Variants in CDHR3 observed in about 807,000 individuals in gnomAD.
The protein encoded by CDHR3 is cadherin related family member 3.
In CDHR3, 79 loss-of-function variants were observed where a neutral mutation model predicts 86.6. The observed-to-expected ratio is 0.91, with a 90% CI of 0.76 to 1.10. CDHR3 has a LOEUF of 1.10. Among genes scored for constraint, CDHR3 ranks in the 50% least tolerant of loss-of-function variants. CDHR3 has a pLI of 0.00. For missense variants in CDHR3, 1,081 were observed against 1,077.6 expected, an observed-to-expected ratio of 1.00 and a Z score of -0.04; for synonymous variants, 421 against 402.4, an observed-to-expected ratio of 1.05 and a Z score of -0.55.
At chr7:105,979,205 G>C (rs1411386518) in intron 2 of CDHR3, among the ~76,000 whole-genome samples, 2 of 152,156 alleles carry the variant, frequency 1.3e-5, no homozygotes, top group African/African-American at 4.8e-5. Context: ...GGAAGGTTAA[G>C]CAATGGGAAG....
At chr7:106,028,225 G>A (rs933893110) in intron 16 of CDHR3, among the ~76,000 whole-genome samples, 3 of 151,970 alleles carry the variant, frequency 2.0e-5, no homozygotes, top group Non-Finnish European at 4.4e-5. Context: ...TATGAACAGA[G>A]GTATCCAATC....
chr7:106,022,064 G>C (rs1836647456), intron 13 of CDHR3, 134 bp from the exon 14 acceptor site: 6 of 1,073,210 alleles, frequency 5.6e-6, no homozygotes, highest in Middle Eastern at 2.1e-4. Flanking sequence ...TCCAGCTCTG[G>C]TGTATCAGAG....
chr7:106,031,280 G>A (rs910379681), intron 18 of CDHR3, among the ~76,000 whole-genome samples: 1 of 152,170 alleles, frequency 6.6e-6, no homozygotes, highest in African/African-American at 2.4e-5. Flanking sequence ...GAAATGGCAA[G>A]TGTAGTTTCT....
intron 15 of CDHR3, among the ~76,000 whole-genome samples, chr7:106,025,995 A>G (rs1432711650): frequency 2.0e-5 from 3 of 152,230 alleles, no homozygotes; most frequent in Non-Finnish European, 4.4e-5. Flanking sequence ...CATGTAATTT[A>G]TGGCTAAACG....
chr7:106,011,637 G>A (rs1393958424), intron 8 of CDHR3, among the ~76,000 whole-genome samples: 2 of 152,120 alleles, frequency 1.3e-5, no homozygotes, highest in African/African-American at 2.4e-5. Context: ...TCAGTTTTGG[G>A]ACAGTGTGTT....
Position 106,004,598 on chromosome 7 carries a change from A to G in CDHR3, c.963A>G (p.Pro321=). ...ISLEVLVKDR[P]YGGQENRIQI... is the part of the protein sequence containing the mutation. ...TGGAAGTTCTAGTGAAGGACAGACC[A>G]TATGGGGGTCAGGAGAATCGCATCC... is the stretch of plus-strand genomic sequence containing the variant. The change falls in exon 8 of 19, where the codon CCA becomes CCG. Residue 321 remains proline, a synonymous_variant. Coordinates refer to ENST00000317716, the MANE Select transcript of CDHR3 (RefSeq NM_152750.5). 1.2e-6 allele frequency: 2 copies of G among 1,614,070 alleles called. No individual in the cohort carries two copies. Among genetic ancestry groups the G allele is most frequent in the Non-Finnish European group, 1.7e-6 (2 of 1,179,902 alleles).
At chr7:105,963,392 T>G (rs1410137463) in intron 1 of CDHR3, 28 bp downstream of exon 1, 1 of 1,611,286 alleles carries the variant, frequency 6.2e-7, no homozygotes, top group Admixed American at 1.7e-5. Context: ...CTTTGGAACC[T>G]TGCTTGCCTA....
At chr7:106,028,964 C>A (rs1837882453) in intron 17 of CDHR3, among the ~76,000 whole-genome samples, 1 of 147,664 alleles carries the variant, frequency 6.8e-6, no homozygotes, top group Non-Finnish European at 1.5e-5. Context: ...TTCTTTCTTT[C>A]TTTCTTTCTT....
At chr7:105,984,036 GC>G (rs2115693892) in intron 3 of CDHR3, among the ~76,000 whole-genome samples, 155 bp from the exon 4 acceptor site, 1 of 152,278 alleles carries the variant, frequency 6.6e-6, no homozygotes, top group Non-Finnish European at 1.5e-5. Context: ...AGGAAAGTTG[GC>G]CAGTGGTCTT....
intron 6 of CDHR3, among the ~76,000 whole-genome samples, chr7:105,997,689 G>C (rs137917041): frequency 1.3e-3 from 195 of 152,268 alleles, no homozygotes; most frequent in African/African-American, 4.5e-3. Flanking sequence ...AGGAGGGGAG[G>C]AAGGTTAATG....
rs369468577 is a variant in CDHR3, at chr7:105,994,774, G to T, written c.537G>T (p.Lys179Asn). The part of the protein sequence containing the change: ...PLSYFLISPP[K>N]SFRMSANGTL... ...AGTATTTCCTGATTTCTCCCCCAAAGAGCTTCAGAATGTCTGCTAATGGCA... is the reference window on the plus strand; with the variant it reads ...AGTATTTCCTGATTTCTCCCCCAAATAGCTTCAGAATGTCTGCTAATGGCA... The change falls in exon 5 of 19, where the codon AAG becomes AAT. Residue 179 changes from lysine (K) to asparagine (N), a missense_variant. Physicochemically the swap from Lys to Asn is moderately conservative, Grantham distance 94. Coordinates refer to ENST00000317716, the MANE Select transcript of CDHR3 (RefSeq NM_152750.5). 9.3e-6 allele frequency: 15 copies of T among 1,612,246 alleles called. No individual in the cohort carries two copies. Among genetic ancestry groups the T allele is most frequent in the Non-Finnish European group, 1.2e-5 (14 of 1,179,208 alleles).
intron 1 of CDHR3, among the ~76,000 whole-genome samples, chr7:105,973,403 T>G (rs1257553717): frequency 6.6e-6 from 1 of 152,178 alleles, no homozygotes; most frequent in Non-Finnish European, 1.5e-5. Context: ...AGACCAAAAG[T>G]CTGCAATCAA....
chr7:105,984,116 CA>C, intron 3 of CDHR3, 75 bp from the exon 4 acceptor site: 1 of 830,562 alleles, frequency 1.2e-6, no homozygotes, highest in Non-Finnish European at 1.8e-6. Flanking sequence ...TGGTTGTGTA[CA>C]GCTGCCTTGA....
At chr7:105,991,940 T>G (rs1485952174) in intron 4 of CDHR3, among the ~76,000 whole-genome samples, 1 of 152,192 alleles carries the variant, frequency 6.6e-6, no homozygotes, top group African/African-American at 2.4e-5. Context: ...GGCACTCACA[T>G]GGCTACAAAG....
At chr7:105,991,469 A>G (rs1247794357) in intron 4 of CDHR3, among the ~76,000 whole-genome samples, 1 of 152,144 alleles carries the variant, frequency 6.6e-6, no homozygotes, top group Non-Finnish European at 1.5e-5. Context: ...CTAGTTCTAC[A>G]GTTCTCCACA....
intron 17 of CDHR3, among the ~76,000 whole-genome samples, chr7:106,028,940 C>CTT (rs879892371): frequency 7.5e-6 from 1 of 133,810 alleles, no homozygotes; most frequent in African/African-American, 3.0e-5. Flanking sequence ...TTCTTTCTTT[C>CTT]TTTCTTTCTT....
At chr7:105,998,407 C>A (rs1832594852) in intron 6 of CDHR3, among the ~76,000 whole-genome samples, 1 of 152,142 alleles carries the variant, frequency 6.6e-6, no homozygotes, top group Non-Finnish European at 1.5e-5. Flanking sequence ...CCCATTTTAC[C>A]CCTGGTGGTG....
At chr7:106,013,587 C>T (rs1835134869) in intron 9 of CDHR3, among the ~76,000 whole-genome samples, 1 of 152,130 alleles carries the variant, frequency 6.6e-6, no homozygotes. Context: ...CCTTACAGAG[C>T]TACTGCTGGA....
At chr7:105,980,210 A>G (rs1829422352) in intron 2 of CDHR3, among the ~76,000 whole-genome samples, 1 of 152,218 alleles carries the variant, frequency 6.6e-6, no homozygotes, top group African/African-American at 2.4e-5. Flanking sequence ...ATTAGAATGA[A>G]GTGATGAGTC....
Sources: gnomAD v4.1 joint callset for allele counts (sites outside exome capture counted in the v4.1 genomes callset) on GRCh38, gnomAD v4.1.1 for gene constraint, MANE v1.5 for transcripts, NCBI Gene and HGNC (gene_info 2026-07-23, HGNC 2026-07-21) for gene names.